Variants in MACC1 observed in about 807,000 individuals in gnomAD.
The protein encoded by MACC1 is metastasis-associated in colon cancer protein 1.
Under a neutral mutation model 70.7 loss-of-function variants are expected in MACC1, and 79 were observed. That is an observed-to-expected ratio of 1.12 (90% confidence interval 0.93 to 1.35). MACC1 has a LOEUF of 1.35. Ranked by LOEUF, MACC1 falls within the 40% of genes most tolerant of loss-of-function variation. The pLI is 0.00. For missense variants in MACC1, 1,106 were observed against 978.1 expected, an observed-to-expected ratio of 1.13 and a Z score of -1.74; for synonymous variants, 361 against 347.2, an observed-to-expected ratio of 1.04 and a Z score of -0.44.
chr7:20,170,427 C>T (rs1426715706), intron 2 of MACC1: 3 of 152,002 alleles, frequency 2.0e-5, no homozygotes, highest in African/African-American at 7.2e-5. Flanking sequence ...TGGTTACTGA[C>T]AAAGATATGT....
intron 1 of MACC1, among the ~76,000 whole-genome samples, chr7:20,187,798 A>G (rs1033967653): frequency 6.6e-6 from 1 of 152,136 alleles, no homozygotes; most frequent in Non-Finnish European, 1.5e-5. Flanking sequence ...TTCTTGTGGA[A>G]TCTCCAACAC....
At chr7:20,182,093 A>G (rs2128105979) in intron 1 of MACC1, among the ~76,000 whole-genome samples, 2 of 150,982 alleles carry the variant, frequency 1.3e-5, no homozygotes, top group South Asian at 4.2e-4. Flanking sequence ...TCGCAAGGAC[A>G]AAAAACCAAA....
chr7:20,147,970 C>A (rs1781918902), intron 6 of MACC1, among the ~76,000 whole-genome samples: 1 of 152,094 alleles, frequency 6.6e-6, no homozygotes, highest in African/African-American at 2.4e-5. Context: ...ACAACTGACA[C>A]CAATGTTTAA....
intron 1 of MACC1, among the ~76,000 whole-genome samples, chr7:20,200,690 C>T (rs562319201): frequency 5.2e-4 from 79 of 152,290 alleles, no homozygotes; most frequent in African/African-American, 1.8e-3. Context: ...TTCACTGATG[C>T]ACAGTCAGAT....
chr7:20,182,934 A>T (rs1370322880), intron 1 of MACC1, among the ~76,000 whole-genome samples: 1 of 152,246 alleles, frequency 6.6e-6, no homozygotes, highest in African/African-American at 2.4e-5. Context: ...TTCTGTAAAG[A>T]TCTCAATTTT....
chr7:20,215,141 AG>A (rs752180421), intron 1 of MACC1, among the ~76,000 whole-genome samples: 51 of 152,178 alleles, frequency 3.4e-4, no homozygotes, highest in Non-Finnish European at 6.2e-4. Flanking sequence ...TATAGTTGAA[AG>A]AAAGGTTTTT....
intron 1 of MACC1, among the ~76,000 whole-genome samples, chr7:20,183,185 C>A (rs578000952): frequency 2.0e-5 from 3 of 152,172 alleles, no homozygotes; most frequent in Non-Finnish European, 4.4e-5. Flanking sequence ...TTCTCTAGCT[C>A]GTTGCAGAAG....
rs1404675949 is a variant in MACC1 at position 20,159,485 on chromosome 7, A to C, written c.876T>G (p.Ile292Met). Residue 292 changes from isoleucine (I) to methionine (M), a missense_variant, in exon 5 of 7, where the codon ATT (isoleucine) becomes ATG (methionine). Coordinates refer to ENST00000400331, the MANE Select transcript of MACC1 (RefSeq NM_182762.4). ...AAGGATCCTTTCTTACTTCAGCCCC[A>C]ATTTTCATCTCCAGCAAAAGGGCTT... ...TMEALLLEMK[I>M]GAEVRKDPFS... The C allele has an allele frequency of 6.2e-7, 1 of 1,614,098 alleles. No individual in the cohort carries two copies. Among genetic ancestry groups the C allele is most frequent in the Non-Finnish European group, 8.5e-7 (1 of 1,180,024 alleles).
intron 1 of MACC1, among the ~76,000 whole-genome samples, chr7:20,182,187 G>A (rs1164456915): frequency 7.9e-6 from 1 of 126,304 alleles, no homozygotes; most frequent in Non-Finnish European, 1.6e-5. Flanking sequence ...ACTGGGGACT[G>A]TTGTGGGGTG....
intron 4 of MACC1, among the ~76,000 whole-genome samples, chr7:20,160,480 A>G (rs1782125865): frequency 6.6e-6 from 1 of 152,178 alleles, no homozygotes; most frequent in Admixed American, 6.5e-5. Context: ...ATGTTATTTT[A>G]AGACATCATG....
chr7:20,177,484 A>G (rs529288097), intron 1 of MACC1, among the ~76,000 whole-genome samples: 28 of 152,218 alleles, frequency 1.8e-4, no homozygotes, highest in African/African-American at 6.7e-4. Context: ...CTGTTAAACC[A>G]TATAAGTATG....
At chr7:20,196,735 A>G (rs976947453) in intron 1 of MACC1, among the ~76,000 whole-genome samples, 13 of 152,160 alleles carry the variant, frequency 8.5e-5, no homozygotes, top group African/African-American at 2.9e-4. Flanking sequence ...TTCCAAACAT[A>G]TATCTATCAT....
At chr7:20,216,757 T>A (rs548090075) in intron 1 of MACC1, among the ~76,000 whole-genome samples, 2 of 152,308 alleles carry the variant, frequency 1.3e-5, no homozygotes, top group African/African-American at 4.8e-5. Context: ...GATTATCTTT[T>A]ATTCATAATT....
Position 20,154,303 on chromosome 7 carries a change from G to T in MACC1, c.2236C>A (p.Leu746Ile). 1.9e-6 allele frequency: 3 copies of T among 1,613,960 alleles called. No individual in the cohort carries two copies. Among genetic ancestry groups the T allele is most frequent in the Non-Finnish European group, 2.5e-6 (3 of 1,179,938 alleles). Residue 746 changes from leucine (L) to isoleucine (I), a missense_variant, in exon 6 of 7, where the codon CTT (leucine) becomes ATT (isoleucine). Leu to Ile is a conservative substitution (Grantham distance 5, BLOSUM62 2). Transcript: ENST00000400331. ...GCTAGTTCCCTCCAGCCTTTTCCAAGCTTGACAGCTGAAGTCAGAACAGCA... is the reference window on the plus strand; with the variant it reads ...GCTAGTTCCCTCCAGCCTTTTCCAATCTTGACAGCTGAAGTCAGAACAGCA... The part of the protein sequence containing the change: ...EAAVLTSAVK[L>I]GKGWRELAEK...
intron 6 of MACC1, chr7:20,147,315 T>A (rs1271664447): frequency 6.6e-6 from 1 of 152,188 alleles, no homozygotes; most frequent in Non-Finnish European, 1.5e-5. Flanking sequence ...TTTTTTAGCT[T>A]ATAAAATATG....
chr7:20,214,705 A>C (rs1247718124), intron 1 of MACC1, among the ~76,000 whole-genome samples: 2 of 152,190 alleles, frequency 1.3e-5, no homozygotes, highest in Non-Finnish European at 2.9e-5. Context: ...TGTTTGGAGA[A>C]GTTTAAGTCA....
In MACC1 at chr7:20,158,298, T is replaced by C; in HGVS notation, c.2063A>G (p.Lys688Arg). The change falls in exon 5 of 7, where the codon AAA becomes AGA. Residue 688 changes from lysine (K) to arginine (R), a missense_variant. By Grantham distance (26) the Lys-to-Arg change is conservative. Coordinates refer to ENST00000400331, the MANE Select transcript of MACC1 (RefSeq NM_182762.4). ...AACATAAGAAACTTTCTCTGATTCTTTGTCTGCTTGAATTTGATCAAAATC... is the reference window on the plus strand; with the variant it reads ...AACATAAGAAACTTTCTCTGATTCTCTGTCTGCTTGAATTTGATCAAAATC... ...LEDFDQIQADKESEKVSYVIK... is the reference protein window; with the variant it reads ...LEDFDQIQADRESEKVSYVIK... 1.2e-6 allele frequency: 2 copies of C among 1,613,488 alleles called. No individual in the cohort carries two copies. Among genetic ancestry groups the C allele is most frequent in the Admixed American group, 3.3e-5 (2 of 59,884 alleles).
chr7:20,170,079 A>G (rs1338603181), intron 2 of MACC1: 1 of 152,214 alleles, frequency 6.6e-6, no homozygotes, highest in African/African-American at 2.4e-5. Context: ...GATTCCTGCC[A>G]AAAGAGTGAC....
intron 6 of MACC1, chr7:20,153,194 G>T (rs1782006149): frequency 6.6e-6 from 1 of 152,194 alleles, no homozygotes; most frequent in South Asian, 2.1e-4. Context: ...TCAGAAACCA[G>T]CCTGCTGACA....
Sources: allele counts gnomAD v4.1 joint callset (sites outside exome capture counted in the v4.1 genomes callset), GRCh38; gene constraint gnomAD v4.1.1; transcripts MANE v1.5; gene names NCBI Gene and HGNC (gene_info 2026-07-23, HGNC 2026-07-21).